PCDHA6: variants seen among roughly 807,000 people sequenced by gnomAD.
PCDHA6 encodes the protein protocadherin alpha 6, also known as protocadherin alpha-6.
PCDHA6 carries 55 observed loss-of-function variants against 60.3 expected under a neutral mutation model. The observed-to-expected ratio is 0.91, with a 90% CI of 0.73 to 1.14. The LOEUF (loss-of-function observed/expected upper bound fraction) is 1.14. Ranked by LOEUF, PCDHA6 falls within the 50% of genes most tolerant of loss-of-function variation. The probability of loss-of-function intolerance (pLI) is 0.00; values close to 1 mark genes in which losing one functional copy is unlikely to be tolerated. For synonymous variants in PCDHA6, 652 were observed against 557.9 expected (o/e 1.17, Z -2.38); for missense variants, 1,327 against 1,256.5 (o/e 1.06, Z -0.85).
chr5:140,831,511 GC>G (rs1191627812), intron 1 of PCDHA6, among the ~76,000 whole-genome samples: 5 of 130,898 alleles, frequency 3.8e-5, no homozygotes, highest in East Asian at 2.2e-4. Flanking sequence ...GCACCACCAT[GC>G]CCCCCACCTT....
intron 3 of PCDHA6, among the ~76,000 whole-genome samples, chr5:140,992,995 A>C (rs1347087034): frequency 2.0e-5 from 3 of 152,202 alleles, no homozygotes; most frequent in African/African-American, 7.2e-5. Context: ...GACCCATGAA[A>C]GAGCCTCCCC....
At position 140,966,347 on chromosome 5, in the gene PCDHA6, G is replaced by A. The variant is rs189506336; in HGVS notation, c.2395-12602G>A. 6.3e-5 allele frequency: 25 copies of A among 397,502 alleles called. No homozygotes were observed. The East Asian group carries it at 8.6e-4, about 14-fold the overall frequency. The allele number at this position is 397,502 out of a possible 1,614,324, so 24.6% of individuals were successfully genotyped here. A position where few individuals can be genotyped will look rare whatever the true frequency, so the allele number is the denominator to read the frequency against. On this transcript the variant is annotated intron_variant, in intron 1 of 3. Transcript: ENST00000529310. ...GGGATCCGGCAGGTCCAGGGTGAAG[G>A]AGATGGGGCTGGAGAGGCTGAGCAG... is the stretch of plus-strand genomic sequence containing the variant.
intron 1 of PCDHA6, among the ~76,000 whole-genome samples, chr5:140,894,820 C>A (rs149254580): frequency 3.2e-4 from 49 of 152,072 alleles, no homozygotes; most frequent in African/African-American, 1.2e-3. Flanking sequence ...ATCAGATTTG[C>A]CCATAATCCT....
intron 1 of PCDHA6, among the ~76,000 whole-genome samples, chr5:140,839,858 G>A (rs2150301292): frequency 6.6e-6 from 1 of 152,038 alleles, no homozygotes; most frequent in East Asian, 1.9e-4. Context: ...TACTTTTGAG[G>A]TGGACTTTGA....
chr5:140,868,940 A>C, intron 1 of PCDHA6: 1 of 1,249,404 alleles, frequency 8.0e-7, no homozygotes, highest in South Asian at 1.6e-5. Context: ...GGTTGGTCTG[A>C]ACAGTGAGGC....
chr5:141,009,770 A>T lies in PCDHA6; in HGVS notation c.2686A>T (p.Ile896Phe). The part of the protein sequence containing the change: ...DKFIIPGSPA[I>F]ISIRQEPTNS... The stretch of plus-strand genomic sequence containing the variant: ...ATTCATTATCCCAGGATCTCCTGCA[A>T]TCATCTCCATCCGGCAGGAGCCTAC... The change falls in exon 4 of 4, where the codon ATC becomes TTC. Residue 896 changes from isoleucine to phenylalanine, a missense_variant. Transcript: ENST00000529310. 6.2e-7 allele frequency: 1 copy of T among 1,614,160 alleles called. No homozygotes were observed. The highest frequency in any genetic ancestry group is 8.5e-7 in the Non-Finnish European group (1 of 1,180,028).
intron 1 of PCDHA6, among the ~76,000 whole-genome samples, chr5:140,932,340 C>G (rs1339952181): frequency 6.6e-6 from 1 of 151,864 alleles, no homozygotes; most frequent in Non-Finnish European, 1.5e-5. Flanking sequence ...GCATGAAACA[C>G]TTACCATACA....
chr5:140,950,646 G>T (rs1221939583), intron 1 of PCDHA6, among the ~76,000 whole-genome samples: 2 of 151,884 alleles, frequency 1.3e-5, no homozygotes, highest in African/African-American at 4.8e-5. Context: ...TCCTGTTTAT[G>T]GTTGGCTGAG....
intron 1 of PCDHA6, among the ~76,000 whole-genome samples, chr5:140,920,661 T>C (rs1301918138): frequency 3.9e-5 from 6 of 152,042 alleles, no homozygotes; most frequent in African/African-American, 1.4e-4. Flanking sequence ...CTTGCCAACA[T>C]GGTGAAACCC....
At chr5:140,925,187 C>T (rs2082372782) in intron 1 of PCDHA6, among the ~76,000 whole-genome samples, 1 of 152,134 alleles carries the variant, frequency 6.6e-6, no homozygotes, top group Admixed American at 6.5e-5. Flanking sequence ...TGTACCATCA[C>T]CCAGCTTCAA....
rs1775369945 is a variant in PCDHA6 at position 140,838,007 on chromosome 5, A to G, written c.2394+7522A>G. Among the ~76,000 whole-genome samples, 3 of 151,520 alleles carry G rather than the reference A, an allele frequency of 2.0e-5. No homozygotes were observed. In the South Asian group the frequency reaches 6.3e-4, roughly 32 times the overall value. ...CTTTCATCTTTCCTTTTTTTTAAAA[A>G]AAGAAGTGATTACAGTAGAAACCTA... On this transcript the variant is annotated intron_variant, in intron 1 of 3. Coordinates refer to ENST00000529310, the MANE Select transcript of PCDHA6 (RefSeq NM_018909.4).
At position 140,828,010 on chromosome 5, in the gene PCDHA6, G is replaced by A; in HGVS notation, c.-82G>A. 1 of 1,506,714 alleles carries A rather than the reference G, an allele frequency of 6.6e-7. No individual in the cohort carries two copies. Among genetic ancestry groups the A allele is most frequent in the Non-Finnish European group, 8.9e-7 (1 of 1,124,288 alleles). The allele number at this position is 1,506,714 out of a possible 1,614,324, so 93.3% of individuals were successfully genotyped here. A position where few individuals can be genotyped will look rare whatever the true frequency, so the allele number is the denominator to read the frequency against. On this transcript the variant is annotated 5_prime_UTR_variant, in exon 1 of 4. An upstream start codon of the reference 5' UTR is lost. Transcript: ENST00000529310. ...GAATGATGGCGGACGCAGAAGAAAT[G>A]GATTAATAAATTCCGGAACATACAG...
intron 1 of PCDHA6, among the ~76,000 whole-genome samples, chr5:140,887,136 G>A (rs1460345753): frequency 2.2e-4 from 33 of 148,834 alleles, no homozygotes; most frequent in Middle Eastern, 3.2e-3. Context: ...TCACTCTGTC[G>A]CCCAGGCTGG....
chr5:140,850,275 G>T, intron 1 of PCDHA6: 1 of 1,595,466 alleles, frequency 6.3e-7, no homozygotes, highest in East Asian at 2.2e-5. Flanking sequence ...GGTGGGGAAG[G>T]TGCGCGCAGT....
intron 1 of PCDHA6, 119 bp from the exon 2 acceptor site, chr5:140,978,830 C>T: frequency 6.5e-7 from 1 of 1,535,340 alleles, no homozygotes; most frequent in Non-Finnish European, 8.8e-7. Context: ...TGAAATGGCT[C>T]ATTCAATACT....
At chr5:140,964,062 C>T (rs1257577051) in intron 1 of PCDHA6, among the ~76,000 whole-genome samples, 1 of 152,124 alleles carries the variant, frequency 6.6e-6, no homozygotes, top group Middle Eastern at 3.2e-3. Flanking sequence ...GTGGTCAAGG[C>T]ATTAGTGTTA....
chr5:140,935,995 C>T (rs1282709145), intron 1 of PCDHA6, among the ~76,000 whole-genome samples: 7 of 150,888 alleles, frequency 4.6e-5, no homozygotes, highest in South Asian at 2.1e-4. Context: ...CGGGTTCAAG[C>T]GATTCTCCCA....
Position 140,850,115 on chromosome 5 carries a change from G to C in PCDHA6, c.2394+19630G>C, listed in dbSNP as rs2150468444. ...AGTTCCAGGTGAGCGCGCGCGACGCGGGCGTGCCGCCTCTGGGCAGCAACG... is the reference window on the plus strand; with the variant it reads ...AGTTCCAGGTGAGCGCGCGCGACGCCGGCGTGCCGCCTCTGGGCAGCAACG... On this transcript the variant is annotated intron_variant, in intron 1 of 3. Transcript: ENST00000529310. The C allele has an allele frequency of 8.1e-6, 13 of 1,596,094 alleles. 2 individuals are homozygous for C. Among genetic ancestry groups the C allele is most frequent in the Non-Finnish European group, 1.1e-5 (13 of 1,167,854 alleles).
In PCDHA6 at chr5:140,829,580, C is replaced by T. The variant is rs1481552888; in HGVS notation, c.1489C>T (p.Arg497Trp). Reference protein sequence around the residue: ...NALVSYSLVERRVGERALSSY... With the variant: ...NALVSYSLVEWRVGERALSSY... ...GCTGGTGTCCTACTCGCTGGTGGAG[C>T]GGCGGGTGGGCGAGCGCGCGTTGTC... The change falls in exon 1 of 4, where the codon CGG (arginine) becomes TGG (tryptophan). Residue 497 changes from arginine to tryptophan, a missense_variant. Physicochemically the swap from Arg to Trp is moderately radical, Grantham distance 101 (BLOSUM62 -3). Coordinates refer to ENST00000529310, the MANE Select transcript of PCDHA6 (RefSeq NM_018909.4). 4 of 1,612,184 alleles carry T rather than the reference C, an allele frequency of 2.5e-6. No homozygotes were observed. In the African/African-American group the frequency reaches 4.0e-5, roughly 16 times the overall value.
Sources: gnomAD v4.1 joint callset for allele counts (sites outside exome capture counted in the v4.1 genomes callset) on GRCh38, gnomAD v4.1.1 for gene constraint, MANE v1.5 for transcripts, NCBI Gene and HGNC (gene_info 2026-07-23, HGNC 2026-07-21) for gene names.